Variants in LHFPL2 observed in about 807,000 individuals in gnomAD.
LHFPL2 encodes LHFPL tetraspan subfamily member 2, also known as LHFPL tetraspan subfamily member 2 protein.
A neutral mutation model predicts 17.5 loss-of-function variants in LHFPL2; 7 were observed. The observed-to-expected ratio is 0.40, with a 90% confidence interval of 0.23 to 0.75. The LOEUF is 0.75. Ranked by LOEUF, LHFPL2 falls within the 30% of genes least tolerant of loss-of-function variation. The pLI is 0.37. For missense variants in LHFPL2, 241 were observed against 294.8 expected (o/e 0.82, Z 1.34); for synonymous variants, 134 against 116.2 (o/e 1.15, Z -0.99).
chr5:78,497,716 A>G (rs147681192), intron 4 of LHFPL2, among the ~76,000 whole-genome samples: 71 of 152,354 alleles, frequency 4.7e-4, no homozygotes, highest in African/African-American at 1.7e-3. Context: ...ATTCTGGCCA[A>G]CAGAACGCCA....
chr5:78,589,237 G>A (rs1039345109), intron 2 of LHFPL2, among the ~76,000 whole-genome samples: 3 of 152,044 alleles, frequency 2.0e-5, no homozygotes, highest in Admixed American at 6.5e-5. Context: ...TTGGGAGGCT[G>A]AGGCAGGTGG....
chr5:78,516,204 A>G (rs1755285992), intron 3 of LHFPL2, among the ~76,000 whole-genome samples: 1 of 151,754 alleles, frequency 6.6e-6, no homozygotes, highest in Non-Finnish European at 1.5e-5. Flanking sequence ...TCTTGATTAT[A>G]TTTAAGAGGA....
At position 78,485,345 on chromosome 5, in the gene LHFPL2, T is replaced by C. The variant is rs1316992245; in HGVS notation, c.*3552A>G. 2 of 152,660 alleles carry C rather than the reference T, an allele frequency of 1.3e-5. No individual in the cohort carries two copies. Among genetic ancestry groups the C allele is most frequent in the African/African-American group, 2.4e-5 (1 of 41,460 alleles). 9.5% of individuals were successfully genotyped at this position (152,660 alleles called of 1,614,324 possible). On this transcript the variant is annotated 3_prime_UTR_variant, in exon 5 of 5. Coordinates refer to ENST00000380345, the MANE Select transcript of LHFPL2 (RefSeq NM_005779.3). ...TGTATTAGTTTACAATATAATAGGA[T>C]AACTACAAGTTTGAAGGCTCAAATT... is the stretch of plus-strand genomic sequence containing the variant.
intron 4 of LHFPL2, among the ~76,000 whole-genome samples, chr5:78,504,865 C>A (rs1754885659): frequency 6.6e-6 from 1 of 152,246 alleles, no homozygotes; most frequent in Non-Finnish European, 1.5e-5. Flanking sequence ...ACTGGTGGGG[C>A]AGCTTGCTAA....
At chr5:78,633,872 C>T (rs1459431872) in intron 1 of LHFPL2, among the ~76,000 whole-genome samples, 3 of 152,064 alleles carry the variant, frequency 2.0e-5, no homozygotes, top group African/African-American at 7.2e-5. Flanking sequence ...AGACATTTCT[C>T]CTCCCACCTA....
chr5:78,567,749 C>T (rs1209226321), intron 2 of LHFPL2, among the ~76,000 whole-genome samples: 1 of 151,944 alleles, frequency 6.6e-6, no homozygotes, highest in Non-Finnish European at 1.5e-5. Flanking sequence ...TATTCAAATC[C>T]GTATACATGA....
intron 3 of LHFPL2, among the ~76,000 whole-genome samples, chr5:78,535,561 G>A (rs1458289312): frequency 6.6e-6 from 1 of 152,132 alleles, no homozygotes; most frequent in African/African-American, 2.4e-5. Context: ...GAGAGAGAAG[G>A]CCCCTCCCTC....
chr5:78,510,654 T>TC (rs1218883962), intron 3 of LHFPL2, among the ~76,000 whole-genome samples: 1 of 152,014 alleles, frequency 6.6e-6, no homozygotes, highest in African/African-American at 2.4e-5. Context: ...CAGTGCCAGG[T>TC]CCTGCTCCCA....
At chr5:78,526,993 A>G (rs1755639487) in intron 3 of LHFPL2, among the ~76,000 whole-genome samples, 1 of 152,244 alleles carries the variant, frequency 6.6e-6, no homozygotes, top group Non-Finnish European at 1.5e-5. Flanking sequence ...TTTGAATAAC[A>G]GGCAACAAAT....
chr5:78,609,152 CTGGAG>C (rs1744325289), intron 2 of LHFPL2, among the ~76,000 whole-genome samples: 1 of 152,016 alleles, frequency 6.6e-6, no homozygotes, highest in East Asian at 1.9e-4. Context: ...TTATTCACAA[CTGGAG>C]AAAAATCCAT....
Position 78,592,670 on chromosome 5 carries a change from TACAC to T in LHFPL2, c.-244-27803_-244-27800del, listed in dbSNP as rs371054360. ...TCTTCAACTTAGTGAAAAATTCAGA[TACAC>T]ACACACACACACACACACACACATT... On this transcript the variant is annotated intron_variant, in intron 2 of 4. Coordinates refer to ENST00000380345, the MANE Select transcript of LHFPL2 (RefSeq NM_005779.3). Among the ~76,000 whole-genome samples, 121 of 55,894 alleles carry T rather than the reference TACAC, an allele frequency of 2.2e-3. 11 individuals carry two copies. Among genetic ancestry groups the T allele is most frequent in the African/African-American group, 4.9e-3 (85 of 17,198 alleles). The allele number at this position is 55,894 out of a possible 152,430, so 36.7% of individuals were successfully genotyped here.
intron 3 of LHFPL2, among the ~76,000 whole-genome samples, chr5:78,522,202 C>A (rs1755478596): frequency 6.6e-6 from 1 of 152,058 alleles, no homozygotes; most frequent in Non-Finnish European, 1.5e-5. Context: ...TAGGGAGGCC[C>A]AGGCGGGTGG....
intron 3 of LHFPL2, among the ~76,000 whole-genome samples, chr5:78,539,517 C>T (rs1365278181): frequency 1.3e-5 from 2 of 152,128 alleles, no homozygotes; most frequent in Non-Finnish European, 2.9e-5. Context: ...ATCGTATGCA[C>T]TCAGTTAAGG....
intron 1 of LHFPL2, among the ~76,000 whole-genome samples, chr5:78,637,255 T>C (rs1039561665): frequency 5.3e-5 from 8 of 152,324 alleles, no homozygotes; most frequent in Non-Finnish European, 8.8e-5. Flanking sequence ...AAAAGCTTTG[T>C]AATCGCATAA....
chr5:78,511,585 C>T (rs16875558), intron 3 of LHFPL2, among the ~76,000 whole-genome samples: 37,578 of 152,078 alleles, frequency 0.25, 4,979 homozygotes, highest in East Asian at 0.47. Context: ...CTGCAAAGAG[C>T]CCCCTGGCAT....
At chr5:78,611,957 C>G (rs904873734) in intron 2 of LHFPL2, among the ~76,000 whole-genome samples, 1 of 152,150 alleles carries the variant, frequency 6.6e-6, no homozygotes, top group African/African-American at 2.4e-5. Context: ...AGTTAAAAAG[C>G]CACAGTGCAT....
chr5:78,554,321 G>A lies in LHFPL2; in HGVS notation c.-186+10492C>T, dbSNP rs148487129. On this transcript the variant is annotated intron_variant, in intron 3 of 4. Transcript: ENST00000380345. ...CCCTTAAGTGCTGGTCTCAGAAGTGGTTAGTTAACGACAGAGAGGAGTTGG... is the reference window on the plus strand; with the variant it reads ...CCCTTAAGTGCTGGTCTCAGAAGTGATTAGTTAACGACAGAGAGGAGTTGG... Among the ~76,000 whole-genome samples, 329 of 152,370 alleles carry A rather than the reference G, an allele frequency of 2.2e-3. 1 individual carries two copies. The highest frequency in any genetic ancestry group is 7.5e-3 in the African/African-American group (310 of 41,584).
chr5:78,552,000 T>G (rs954191635), intron 3 of LHFPL2, among the ~76,000 whole-genome samples: 6 of 152,222 alleles, frequency 3.9e-5, no homozygotes, highest in Admixed American at 3.3e-4. Context: ...CTGTTCATAC[T>G]CTGTTGAACC....
chr5:78,584,402 A>G (rs1278452636), intron 2 of LHFPL2, among the ~76,000 whole-genome samples: 2 of 151,804 alleles, frequency 1.3e-5, no homozygotes, highest in Admixed American at 1.3e-4. Flanking sequence ...TTTTTTCCCC[A>G]TCTTTGTGGT....
Sources: allele counts gnomAD v4.1 joint callset (sites outside exome capture counted in the v4.1 genomes callset), GRCh38; gene constraint gnomAD v4.1.1; transcripts MANE v1.5; gene names NCBI Gene and HGNC (gene_info 2026-07-23, HGNC 2026-07-21).